Variants in ARMC2 observed in about 807,000 individuals in gnomAD.
The protein encoded by ARMC2 is armadillo repeat containing 2, also known as armadillo repeat-containing protein 2.
Under a neutral mutation model 90.3 loss-of-function variants are expected in ARMC2, and 67 were observed. That is an observed-to-expected ratio of 0.74 (90% CI 0.61 to 0.91). ARMC2 has a LOEUF of 0.91. Among genes scored for constraint, ARMC2 ranks in the 40% least tolerant of loss-of-function variants. The pLI is 0.00. For synonymous variants in ARMC2, 393 were observed against 393.0 expected (o/e 1.00, Z 0.00); for missense variants, 920 against 1,030.9 (o/e 0.89, Z 1.47).
the ARMC2 span, among the ~76,000 whole-genome samples, chr6:109,015,336 A>G: frequency 6.6e-6 from 1 of 152,130 alleles, no homozygotes; most frequent in East Asian, 1.9e-4. Context: ...CTGCACTACC[A>G]GGCTAGCAGC....
intron 9 of ARMC2, 74 bp downstream of exon 9, chr6:108,911,075 T>C (rs1232202192): frequency 1.1e-6 from 1 of 884,946 alleles, no homozygotes; most frequent in Non-Finnish European, 1.7e-6. Flanking sequence ...AGAGAAAATA[T>C]ATAATCAATG....
the ARMC2 span, among the ~76,000 whole-genome samples, chr6:109,006,341 C>T: frequency 9.9e-5 from 15 of 152,000 alleles, no homozygotes; most frequent in South Asian, 3.1e-3. Flanking sequence ...GGTACATGTG[C>T]ACAATGTGCA....
chr6:108,867,790 C>A (rs1206756440), intron 3 of ARMC2, among the ~76,000 whole-genome samples: 3 of 147,634 alleles, frequency 2.0e-5, no homozygotes, highest in African/African-American at 5.0e-5. Context: ...AAAAAGTTAG[C>A]TGGGTGTGGT....
At chr6:108,990,519 AAAT>A in the ARMC2 span, 2 of 848,488 alleles carry the variant, frequency 2.4e-6, no homozygotes, top group Non-Finnish European at 3.7e-6. Context: ...AATAGCATAA[AAAT>A]AAGTTATTGG....
At chr6:108,913,162 C>T (rs970655965) in intron 10 of ARMC2, among the ~76,000 whole-genome samples, 2 of 152,200 alleles carry the variant, frequency 1.3e-5, no homozygotes, top group Non-Finnish European at 2.9e-5. Context: ...TTCACTGGAG[C>T]TGCTCTGGCT....
chr6:108,851,649 G>A (rs1367804863), intron 1 of ARMC2, among the ~76,000 whole-genome samples: 2 of 151,798 alleles, frequency 1.3e-5, no homozygotes, highest in Admixed American at 6.6e-5. Context: ...TTAAGACCCT[G>A]TCCAGACCAT....
chr6:108,889,817 C>T (rs930011342), intron 5 of ARMC2, among the ~76,000 whole-genome samples: 2 of 151,822 alleles, frequency 1.3e-5, no homozygotes, highest in African/African-American at 4.9e-5. Flanking sequence ...CTTCTTAGCA[C>T]CCTCTAGTTC....
Position 108,866,570 on chromosome 6 carries a change from C to T in ARMC2, c.292-2254C>T, listed in dbSNP as rs1360100004. The stretch of plus-strand genomic sequence containing the variant: ...GGGAAGGGAACTGGCATTTCTTGAG[C>T]TTCCATAATAGGAATTGTGTTTATG... On this transcript the variant is annotated intron_variant, in intron 3 of 17. Coordinates refer to ENST00000392644, the MANE Select transcript of ARMC2 (RefSeq NM_032131.6). Among the ~76,000 whole-genome samples the T allele has an allele frequency of 2.6e-5, 4 of 152,282 alleles. No individual in the cohort carries two copies. The East Asian group carries it at 7.7e-4, about 29-fold the overall frequency.
intron 3 of ARMC2, 133 bp from the exon 4 acceptor site, chr6:108,868,691 A>G (rs1776079967): frequency 2.7e-6 from 2 of 728,360 alleles, no homozygotes; most frequent in Non-Finnish European, 2.3e-6. Context: ...GTGAGTTGGT[A>G]GAATCAGGAA....
chr6:108,982,451 A>G, the ARMC2 span, among the ~76,000 whole-genome samples: 1 of 152,236 alleles, frequency 6.6e-6, no homozygotes, highest in Non-Finnish European at 1.5e-5. Flanking sequence ...CAGGGCTTCA[A>G]CATGTGAATT....
chr6:109,040,004 G>T, the ARMC2 span, among the ~76,000 whole-genome samples: 11 of 152,228 alleles, frequency 7.2e-5, no homozygotes, highest in Non-Finnish European at 1.5e-4. Context: ...GACTGTGAGA[G>T]AATGTGTATG....
At chr6:108,870,558 A>C (rs1776286725) in intron 4 of ARMC2, among the ~76,000 whole-genome samples, 1 of 119,968 alleles carries the variant, frequency 8.3e-6, no homozygotes, top group Admixed American at 7.9e-5. Context: ...GAAGGAAGAG[A>C]GGGAAGGAGA....
rs1776937715 is a variant in ARMC2 at position 108,876,347 on chromosome 6, G to A, written c.668G>A (p.Gly223Glu). 6.2e-7 allele frequency: 1 copy of A among 1,609,736 alleles called. No individual in the cohort carries two copies. The highest frequency in any genetic ancestry group is 2.2e-5 in the East Asian group (1 of 44,792). Reference protein sequence around the residue: ...TTSLPSHLKNGGDQGKRHARA... With the variant: ...TTSLPSHLKNEGDQGKRHARA... Reference sequence around the variant, plus strand: ...TCTTTACCATCTCATCTCAAGAATGGAGGGTCAGTATTCTTTTTATTTAAT... The same window carrying A: ...TCTTTACCATCTCATCTCAAGAATGAAGGGTCAGTATTCTTTTTATTTAAT... Residue 223 changes from glycine (G) to glutamate (E), a missense_variant, in exon 5 of 18, where the codon GGA becomes GAA. Physicochemically the swap from Gly to Glu is moderately conservative, Grantham distance 98 (BLOSUM62 -2). Transcript: ENST00000392644.
chr6:108,963,655 C>A (rs1453614223), intron 15 of ARMC2, among the ~76,000 whole-genome samples: 2 of 152,154 alleles, frequency 1.3e-5, no homozygotes, highest in Non-Finnish European at 2.9e-5. Context: ...GAAAATGATT[C>A]TCCTGAGGCA....
At chr6:108,885,433 A>T (rs766952120) in intron 5 of ARMC2, among the ~76,000 whole-genome samples, 5 of 152,178 alleles carry the variant, frequency 3.3e-5, no homozygotes, top group Non-Finnish European at 5.9e-5. Context: ...CTGGCTGGAC[A>T]CGGTAACTCA....
chr6:109,022,899 A>G, the ARMC2 span, among the ~76,000 whole-genome samples: 1 of 152,250 alleles, frequency 6.6e-6, no homozygotes, highest in African/African-American at 2.4e-5. Flanking sequence ...ATGCTGCCTG[A>G]TAATGTTTTA....
the ARMC2 span, among the ~76,000 whole-genome samples, chr6:108,989,514 T>G: frequency 8.1e-4 from 122 of 150,904 alleles, no homozygotes; most frequent in South Asian, 1.9e-3. Flanking sequence ...TCTATATATA[T>G]ATAGAGAGAT....
At chr6:108,887,717 G>A (rs913908612) in intron 5 of ARMC2, among the ~76,000 whole-genome samples, 2 of 152,308 alleles carry the variant, frequency 1.3e-5, no homozygotes, top group East Asian at 1.9e-4. Flanking sequence ...CTGCCTGTAC[G>A]AAGAATTTCA....
intron 13 of ARMC2, among the ~76,000 whole-genome samples, chr6:108,961,254 G>A (rs1022901464): frequency 6.6e-6 from 1 of 152,138 alleles, no homozygotes; most frequent in East Asian, 1.9e-4. Flanking sequence ...AGATGGCTCC[G>A]CTCACTGCCG....
Sources: allele counts gnomAD v4.1 joint callset (sites outside exome capture counted in the v4.1 genomes callset), GRCh38; gene constraint gnomAD v4.1.1; transcripts MANE v1.5; gene names NCBI Gene and HGNC (gene_info 2026-07-23, HGNC 2026-07-21).